Variants in CHD6 observed in about 807,000 individuals in gnomAD.
The protein encoded by CHD6 is chromodomain helicase DNA binding protein 6.
Under a neutral mutation model 276.9 loss-of-function variants are expected in CHD6, and 50 were observed. The observed-to-expected ratio is 0.18, with a 90% CI of 0.14 to 0.23. The LOEUF (loss-of-function observed/expected upper bound fraction) is 0.23. CHD6 is among the 10% of genes least tolerant of loss of function. The probability of loss-of-function intolerance (pLI) is 1.00; values close to 1 mark genes in which losing one functional copy is unlikely to be tolerated. For synonymous variants in CHD6, 1,173 were observed against 1,229.3 expected (o/e 0.95, Z 0.96); for missense variants, 2,564 against 3,365.8 (o/e 0.76, Z 5.89).
chr20:41,491,591 C>T lies in CHD6; in HGVS notation c.1436+107G>A, dbSNP rs942626454. The T allele has an allele frequency of 5.7e-6, 7 of 1,237,730 alleles. No individual in the cohort carries two copies. The African/African-American group carries it at 9.0e-5, about 16-fold the overall frequency. The allele number at this position is 1,237,730 out of a possible 1,614,324, so 76.7% of individuals were successfully genotyped here. ...AAAGACTACCACCCTAAATTGATGG[C>T]CATGCTGCTCCCTCTCACCAGTCTG... On this transcript the variant is annotated intron_variant, in intron 11 of 36. Transcript: ENST00000373233.
chr20:41,417,059 G>T, intron 32 of CHD6, 139 bp downstream of exon 32: 1 of 817,232 alleles, frequency 1.2e-6, no homozygotes. Context: ...ATGTTCAAAT[G>T]CTACATAACT....
In CHD6 at chr20:41,440,125, A is replaced by G. The variant is rs752697268; in HGVS notation, c.3882T>C (p.Tyr1294=). 9 of 1,613,858 alleles carry G rather than the reference A, an allele frequency of 5.6e-6. No homozygotes were observed. The highest frequency in any genetic ancestry group is 7.6e-6 in the Non-Finnish European group (9 of 1,179,842). The change falls in exon 26 of 37, where the codon TAT becomes TAC. Residue 1294 remains tyrosine, a synonymous_variant. Coordinates refer to ENST00000373233, the MANE Select transcript of CHD6 (RefSeq NM_032221.5). The part of the protein sequence containing the change: ...SLLIGVFKHG[Y]ERYNAMRADP... ...CTGCTCGCATGGCATTGTACCTTTC[A>G]TAACCTGATCAAGAGTGGTGAGAAA...
At chr20:41,563,108 T>C (rs897214839) in intron 1 of CHD6, among the ~76,000 whole-genome samples, 1 of 152,212 alleles carries the variant, frequency 6.6e-6, no homozygotes, top group Non-Finnish European at 1.5e-5. Context: ...TCTGTTACCC[T>C]GCATGTGGGT....
intron 3 of CHD6, among the ~76,000 whole-genome samples, chr20:41,515,372 T>C (rs2145976426): frequency 6.6e-6 from 1 of 152,158 alleles, no homozygotes; most frequent in Admixed American, 6.5e-5. Flanking sequence ...GGACCTGGAG[T>C]GAACACTAGG....
In CHD6 at chr20:41,405,221, G is replaced by A. The variant is rs200245724; in HGVS notation, c.7520C>T (p.Thr2507Ile). The change falls in exon 37 of 37, where the codon ACA (threonine) becomes ATA (isoleucine). Residue 2507 changes from threonine to isoleucine, a missense_variant. By Grantham distance (89) the Thr-to-Ile change is moderately conservative (BLOSUM62 -1). This residue lies in a region of CHD6 where 25 missense variants were observed against 50.8 expected (regional missense o/e 0.49). Coordinates refer to ENST00000373233, the MANE Select transcript of CHD6 (RefSeq NM_032221.5). ...CAGGGTACTTTTGACCTCTTCACCTGTTGGCATCGTGGCAAAGCCAGCTGG... is the reference window on the plus strand; with the variant it reads ...CAGGGTACTTTTGACCTCTTCACCTATTGGCATCGTGGCAAAGCCAGCTGG... ...GFPAGFATMP[T>I]GEEVKSTLSM... The A allele has an allele frequency of 6.2e-7, 1 of 1,614,204 alleles. No individual in the cohort carries two copies. Among genetic ancestry groups the A allele is most frequent in the African/African-American group, 1.3e-5 (1 of 75,062 alleles).
intron 7 of CHD6, chr20:41,497,936 C>T: frequency 2.0e-6 from 1 of 506,664 alleles, no homozygotes; most frequent in East Asian, 3.5e-5. Context: ...GAGTCTGAGC[C>T]AATGGTCTTG....
Position 41,493,654 on chromosome 20 carries a change from C to G in CHD6, c.1198G>C (p.Val400Leu), listed in dbSNP as rs1296038702. ...TCATATGGTAGTGAGCACCACTTCACCAGGTAATGTGTTACCTCCTGGTGG... is the reference window on the plus strand; with the variant it reads ...TCATATGGTAGTGAGCACCACTTCAGCAGGTAATGTGTTACCTCCTGGTGG... ...ETGEEVTHYL[V>L]KWCSLPYEES... is the part of the protein sequence containing the mutation. The change falls in exon 10 of 37, where the codon GTG (valine) becomes CTG (leucine). Residue 400 changes from valine to leucine, a missense_variant. Coordinates refer to ENST00000373233, the MANE Select transcript of CHD6 (RefSeq NM_032221.5). The G allele has an allele frequency of 6.2e-7, 1 of 1,613,870 alleles. No homozygotes were observed.
At chr20:41,493,985 T>C (rs755310242) in intron 8 of CHD6, 41 bp from the exon 9 acceptor site, 18 of 1,479,626 alleles carry the variant, frequency 1.2e-5, no homozygotes, top group Non-Finnish European at 1.7e-5. Flanking sequence ...GTATGTCCCC[T>C]TGCCTCAAAT....
intron 34 of CHD6, 21 bp from the exon 35 acceptor site, chr20:41,413,536 T>C: frequency 1.3e-6 from 2 of 1,502,390 alleles, no homozygotes; most frequent in Non-Finnish European, 1.8e-6. Flanking sequence ...GAAAAACGAG[T>C]ATGTATAATC....
intron 5 of CHD6, among the ~76,000 whole-genome samples, chr20:41,508,128 T>C (rs2044020645): frequency 1.3e-5 from 2 of 152,160 alleles, no homozygotes; most frequent in African/African-American, 2.4e-5. Flanking sequence ...GAGGTTTTAG[T>C]TGGGCCCTAA....
intron 27 of CHD6, among the ~76,000 whole-genome samples, chr20:41,435,924 G>A (rs1476724678): frequency 6.6e-6 from 1 of 152,162 alleles, no homozygotes; most frequent in African/African-American, 2.4e-5. Flanking sequence ...TAGATATATG[G>A]AAAAGAGCAG....
At chr20:41,589,428 G>T (rs942951232) in intron 1 of CHD6, among the ~76,000 whole-genome samples, 2 of 152,170 alleles carry the variant, frequency 1.3e-5, no homozygotes, top group Non-Finnish European at 2.9e-5. Context: ...AAGTCAAACC[G>T]TCCCTGTTTG....
At chr20:41,416,334 C>G (rs985209507) in intron 33 of CHD6, among the ~76,000 whole-genome samples, 2 of 152,162 alleles carry the variant, frequency 1.3e-5, no homozygotes, top group African/African-American at 4.8e-5. Flanking sequence ...GCTTGGCCCC[C>G]CTAGCCAAGC....
At chr20:41,600,198 G>A (rs2045759706) in intron 1 of CHD6, among the ~76,000 whole-genome samples, 1 of 152,194 alleles carries the variant, frequency 6.6e-6, no homozygotes, top group Non-Finnish European at 1.5e-5. Context: ...TAGAGTGCCT[G>A]TAAATGTGTA....
At chr20:41,611,609 G>C (rs765419000) in intron 1 of CHD6, among the ~76,000 whole-genome samples, 1 of 151,954 alleles carries the variant, frequency 6.6e-6, no homozygotes, top group Non-Finnish European at 1.5e-5. Flanking sequence ...GTCTGGAATG[G>C]GGCCCAAAAA....
At chr20:41,572,347 A>C (rs1017785886) in intron 1 of CHD6, among the ~76,000 whole-genome samples, 3 of 152,184 alleles carry the variant, frequency 2.0e-5, no homozygotes, top group African/African-American at 7.2e-5. Flanking sequence ...CCACATGCAC[A>C]AAGCACAAAG....
At chr20:41,526,973 C>G (rs1332140465) in intron 3 of CHD6, among the ~76,000 whole-genome samples, 1 of 152,208 alleles carries the variant, frequency 6.6e-6, no homozygotes, top group African/African-American at 2.4e-5. Context: ...ACAGCAAAGT[C>G]TGAGGACCAG....
At chr20:41,523,787 T>G (rs535205500) in intron 3 of CHD6, among the ~76,000 whole-genome samples, 2 of 152,212 alleles carry the variant, frequency 1.3e-5, no homozygotes, top group Admixed American at 1.3e-4. Context: ...AGGAAGTGAG[T>G]GCTGAATCTG....
chr20:41,479,715 C>CA (rs1265985392), intron 16 of CHD6, among the ~76,000 whole-genome samples: 1 of 151,918 alleles, frequency 6.6e-6, no homozygotes, highest in East Asian at 1.9e-4. Context: ...GGAAAAATTA[C>CA]AAAAAATGTT....
Sources: allele counts gnomAD v4.1 joint callset (sites outside exome capture counted in the v4.1 genomes callset), GRCh38; gene constraint gnomAD v4.1.1; regional missense constraint gnomAD v4.1.1; transcripts MANE v1.5; gene names NCBI Gene and HGNC (gene_info 2026-07-23, HGNC 2026-07-21).